DCC: variants seen among roughly 807,000 people sequenced by gnomAD.
DCC encodes the protein DCC netrin 1 receptor.
Under a neutral mutation model 172.5 loss-of-function variants are expected in DCC, and 58 were observed. The observed-to-expected ratio is 0.34, with a 90% CI of 0.27 to 0.42. DCC has a LOEUF of 0.42. Among genes scored for constraint, DCC ranks in the 10% least tolerant of loss-of-function variants. DCC has a pLI of 1.00. For missense variants in DCC, 1,740 were observed against 1,791.0 expected, an observed-to-expected ratio of 0.97 and a Z score of 0.51; for synonymous variants, 709 against 644.5, an observed-to-expected ratio of 1.10 and a Z score of -1.52.
chr18:52,993,005 A>G (rs910512876), intron 5 of DCC, among the ~76,000 whole-genome samples: 1 of 151,544 alleles, frequency 6.6e-6, no homozygotes, highest in Admixed American at 6.6e-5. Context: ...AAAAAAACAC[A>G]TGTGAAATGA....
intron 27 of DCC, among the ~76,000 whole-genome samples, chr18:53,523,784 C>T (rs549478130): frequency 2.3e-3 from 342 of 151,970 alleles, no homozygotes; most frequent in Non-Finnish European, 4.1e-3. Flanking sequence ...GGAGGGATAG[C>T]ATTAGGACAA....
chr18:52,359,851 G>C (rs1984542697), intron 1 of DCC, among the ~76,000 whole-genome samples: 1 of 152,212 alleles, frequency 6.6e-6, no homozygotes, highest in African/African-American at 2.4e-5. Context: ...AACAGTGAGA[G>C]AGGAATTAAT....
chr18:52,379,645 T>G (rs9963301), intron 1 of DCC, among the ~76,000 whole-genome samples: 24,112 of 152,150 alleles, frequency 0.16, 2,089 homozygotes, highest in African/African-American at 0.21. Flanking sequence ...TTATTTTTCT[T>G]CCACTGCTTG....
chr18:52,558,530 T>C (rs546523471), intron 1 of DCC, among the ~76,000 whole-genome samples: 5 of 152,284 alleles, frequency 3.3e-5, no homozygotes, highest in South Asian at 4.1e-4. Flanking sequence ...AGATTGCATA[T>C]TTGCAGGATA....
chr18:53,456,588 T>C (rs2045486028), intron 23 of DCC, among the ~76,000 whole-genome samples: 1 of 152,182 alleles, frequency 6.6e-6, no homozygotes, highest in Admixed American at 6.5e-5. Flanking sequence ...CAGATTCACC[T>C]GGAGAGTGTT....
intron 2 of DCC, among the ~76,000 whole-genome samples, chr18:52,857,389 A>T (rs1007899235): frequency 2.6e-5 from 4 of 152,250 alleles, no homozygotes; most frequent in Non-Finnish European, 5.9e-5. Flanking sequence ...TGGTCCACTT[A>T]ACTAGGGAAA....
intron 1 of DCC, among the ~76,000 whole-genome samples, chr18:52,626,499 A>T (rs140133649): frequency 1.4e-4 from 21 of 152,102 alleles, no homozygotes; most frequent in African/African-American, 5.1e-4. Flanking sequence ...CAAAAACCAG[A>T]GTGATCTTTC....
chr18:52,790,827 G>A (rs2037750048), intron 2 of DCC, among the ~76,000 whole-genome samples: 1 of 152,194 alleles, frequency 6.6e-6, no homozygotes, highest in African/African-American at 2.4e-5. Flanking sequence ...CTTTGGAGCA[G>A]CATAACATCC....
At chr18:52,686,118 A>G (rs2035829923) in intron 1 of DCC, among the ~76,000 whole-genome samples, 1 of 152,110 alleles carries the variant, frequency 6.6e-6, no homozygotes, top group African/African-American at 2.4e-5. Context: ...TAGGAATTCT[A>G]CTTCTGAGGC....
chr18:52,498,232 A>C (rs994565539), intron 1 of DCC, among the ~76,000 whole-genome samples: 1 of 152,158 alleles, frequency 6.6e-6, no homozygotes, highest in Admixed American at 6.6e-5. Flanking sequence ...TCAAGATTCT[A>C]TCATTTTCTT....
chr18:53,258,481 T>C (rs2056551826), intron 12 of DCC, among the ~76,000 whole-genome samples: 1 of 152,170 alleles, frequency 6.6e-6, no homozygotes, highest in African/African-American at 2.4e-5. Context: ...CCAGTAGTCA[T>C]TCAGGAGCAG....
chr18:53,526,805 C>T, intron 28 of DCC, 46 bp downstream of exon 28: 19 of 1,608,356 alleles, frequency 1.2e-5, no homozygotes, highest in Non-Finnish European at 1.5e-5. Context: ...GACAGATTGA[C>T]TGGCGCTGTG....
At chr18:52,485,822 A>T (rs1645494722) in intron 1 of DCC, among the ~76,000 whole-genome samples, 1 of 152,170 alleles carries the variant, frequency 6.6e-6, no homozygotes, top group Non-Finnish European at 1.5e-5. Context: ...AGAATAATTC[A>T]ACAGTGGAAT....
At chr18:52,597,166 G>C (rs1179128120) in intron 1 of DCC, among the ~76,000 whole-genome samples, 2 of 152,150 alleles carry the variant, frequency 1.3e-5, no homozygotes, top group African/African-American at 4.8e-5. Flanking sequence ...ATTTGCAGAA[G>C]GTGTCTTTGA....
chr18:52,818,285 G>A (rs908777701), intron 2 of DCC: 3 of 151,962 alleles, frequency 2.0e-5, no homozygotes, highest in Admixed American at 6.6e-5. Flanking sequence ...AGTGGTGCAT[G>A]CCTGTGATCC....
chr18:52,453,124 A>T (rs1988356549), intron 1 of DCC, among the ~76,000 whole-genome samples: 1 of 152,200 alleles, frequency 6.6e-6, no homozygotes, highest in Admixed American at 6.5e-5. Flanking sequence ...ACCAAAACAT[A>T]TAGCTACCCT....
At chr18:53,174,199 C>T (rs1314143893) in intron 8 of DCC, among the ~76,000 whole-genome samples, 8 of 144,652 alleles carry the variant, frequency 5.5e-5, no homozygotes, top group Admixed American at 3.5e-4. Context: ...GGGAAATTTA[C>T]AGCACTAAAT....
intron 1 of DCC, among the ~76,000 whole-genome samples, chr18:52,748,160 A>G (rs2036937588): frequency 6.6e-6 from 1 of 152,198 alleles, no homozygotes; most frequent in African/African-American, 2.4e-5. Context: ...CAGCTGCTGC[A>G]GTGCGGCAGG....
chr18:53,442,510 C>G (rs185859846), intron 22 of DCC, among the ~76,000 whole-genome samples: 8 of 152,274 alleles, frequency 5.3e-5, no homozygotes, highest in Non-Finnish European at 1.0e-4. Context: ...TCTCTCTCCC[C>G]CTTTTGGGGC....
Sources: gnomAD v4.1 joint callset for allele counts (sites outside exome capture counted in the v4.1 genomes callset) on GRCh38, gnomAD v4.1.1 for gene constraint, MANE v1.5 for transcripts, NCBI Gene and HGNC (gene_info 2026-07-23, HGNC 2026-07-21) for gene names.